NRCAM: variants seen among roughly 807,000 people sequenced by gnomAD.
NRCAM encodes NgCAM-related cell adhesion molecule.
In NRCAM, 83 loss-of-function variants were observed where a neutral mutation model predicts 156.5. The observed-to-expected ratio is 0.53, with a 90% confidence interval of 0.44 to 0.64. The LOEUF (loss-of-function observed/expected upper bound fraction) is 0.64, where lower values mean the gene tolerates loss of function less well. NRCAM is among the 30% of genes least tolerant of loss of function. The pLI is 0.00. For synonymous variants in NRCAM, 538 were observed against 563.9 expected (o/e 0.95, Z 0.65); for missense variants, 1,417 against 1,597.3 (o/e 0.89, Z 1.92).
At chr7:108,432,482 T>C (rs1482285616) in intron 1 of NRCAM, among the ~76,000 whole-genome samples, 1 of 152,190 alleles carries the variant, frequency 6.6e-6, no homozygotes, top group Non-Finnish European at 1.5e-5. Context: ...CTCAAAGTTA[T>C]AAAAAACCCA....
At chr7:108,257,937 C>T (rs2096746875) in intron 3 of NRCAM, among the ~76,000 whole-genome samples, 1 of 152,040 alleles carries the variant, frequency 6.6e-6, no homozygotes, top group Non-Finnish European at 1.5e-5. Context: ...TCTTTGTCTC[C>T]ACTTCACCGG....
chr7:108,304,186 G>A, intron 3 of NRCAM, among the ~76,000 whole-genome samples: 1 of 152,250 alleles, frequency 6.6e-6, no homozygotes. Context: ...TCAAGACATT[G>A]TGATTTTCCC....
chr7:108,324,333 G>A (rs1391168637), intron 2 of NRCAM, among the ~76,000 whole-genome samples: 1 of 152,186 alleles, frequency 6.6e-6, no homozygotes, highest in East Asian at 1.9e-4. Flanking sequence ...TTCTCTAACT[G>A]TGGTTTCTTA....
rs1048670588 is a variant in NRCAM at position 108,334,681 on chromosome 7, G to C, written c.-173-21950C>G. Among the ~76,000 whole-genome samples the C allele has an allele frequency of 3.9e-5, 6 of 152,288 alleles. No individual in the cohort carries two copies. The East Asian group carries it at 1.2e-3, about 29-fold the overall frequency. On this transcript the variant is annotated intron_variant, in intron 2 of 32. Transcript: ENST00000379028. ...TCACAGTCCCACCTGAGATGAGAAA[G>C]CCAACATGGGGGCATGGCCCACTGG...
intron 2 of NRCAM, among the ~76,000 whole-genome samples, chr7:108,376,244 C>T (rs2099675037): frequency 6.6e-6 from 1 of 152,176 alleles, no homozygotes; most frequent in Non-Finnish European, 1.5e-5. Context: ...AGCAGAGTGC[C>T]TAAGAGACTA....
intron 11 of NRCAM, among the ~76,000 whole-genome samples, chr7:108,222,251 C>T (rs1183438647): frequency 6.6e-6 from 1 of 152,020 alleles, no homozygotes; most frequent in Non-Finnish European, 1.5e-5. Flanking sequence ...TTTTGGAGGC[C>T]AGCTACTGTA....
chr7:108,226,505 C>CCTG, intron 8 of NRCAM, 127 bp from the exon 9 acceptor site: 3 of 534,290 alleles, frequency 5.6e-6, no homozygotes, highest in South Asian at 3.6e-5. Context: ...CTCTATATAG[C>CCTG]TCTTTGGGTA....
At chr7:108,177,670 TGTATATATATAC>T (rs1351986657) in intron 26 of NRCAM, among the ~76,000 whole-genome samples, 4 of 17,826 alleles carry the variant, frequency 2.2e-4, no homozygotes, top group African/African-American at 3.8e-4. Flanking sequence ...TGTATATACG[TGTATATATATAC>T]GTGTATATAT....
chr7:108,182,314 C>T (rs537127479), intron 23 of NRCAM, among the ~76,000 whole-genome samples: 14 of 151,576 alleles, frequency 9.2e-5, no homozygotes, highest in Non-Finnish European at 1.8e-4. Context: ...CCCTCTACAT[C>T]TGCAGGTTCT....
chr7:108,170,117 C>G (rs1439091409), intron 28 of NRCAM, among the ~76,000 whole-genome samples: 1 of 151,714 alleles, frequency 6.6e-6, no homozygotes, highest in Admixed American at 6.6e-5. Context: ...TCACAATAGT[C>G]AAGACATGAA....
At position 108,205,378 on chromosome 7, in the gene NRCAM, T is replaced by G. The variant is rs563900274; in HGVS notation, c.1207+2150A>C. 4.6e-5 allele frequency among the ~76,000 whole-genome samples: 7 copies of G among 152,332 alleles called. No homozygotes were observed. In the East Asian group the frequency reaches 1.4e-3, roughly 29 times the overall value. On this transcript the variant is annotated intron_variant, in intron 13 of 32. Coordinates refer to ENST00000379028, the MANE Select transcript of NRCAM (RefSeq NM_001037132.4). ...AGGCATTTTGTTATAGCAGCAGGAA[T>G]GGACTAAGATGGCTGGTTTGGAAGG... is the stretch of plus-strand genomic sequence containing the variant.
At chr7:108,364,006 A>G (rs1215137060) in intron 2 of NRCAM, among the ~76,000 whole-genome samples, 2 of 152,198 alleles carry the variant, frequency 1.3e-5, no homozygotes, top group East Asian at 1.9e-4. Context: ...GGAAATATGA[A>G]TAAGTATACA....
intron 2 of NRCAM, among the ~76,000 whole-genome samples, chr7:108,392,121 G>A (rs2099762262): frequency 6.6e-6 from 1 of 152,268 alleles, no homozygotes; most frequent in South Asian, 2.1e-4. Context: ...ATGTTGGCCT[G>A]CCTTGCTATG....
chr7:108,390,214 A>T (rs2099755236), intron 2 of NRCAM, among the ~76,000 whole-genome samples: 1 of 152,298 alleles, frequency 6.6e-6, no homozygotes, highest in Non-Finnish European at 1.5e-5. Context: ...GCTATTAATT[A>T]TTGCCTCAAT....
chr7:108,393,355 C>T (rs576340930), intron 2 of NRCAM, among the ~76,000 whole-genome samples: 1 of 152,242 alleles, frequency 6.6e-6, no homozygotes, highest in East Asian at 1.9e-4. Flanking sequence ...GGGCGTGGGA[C>T]CCTCCGAGCC....
At position 108,152,523 on chromosome 7, in the gene NRCAM, G is replaced by C. The variant is rs200530445; in HGVS notation, c.3678-2376C>G. 1.2e-4 allele frequency among the ~76,000 whole-genome samples: 9 copies of C among 73,614 alleles called. No individual in the cohort carries two copies. The East Asian group carries it at 3.8e-3, about 31-fold the overall frequency. The allele number at this position is 73,614 out of a possible 152,430, so 48.3% of individuals were successfully genotyped here. Reference sequence around the variant, plus strand: ...GGACGCTGCCTTTAACTCTGAGTGAGACAGGAAGCCCTGGGAGGGTTTCAA... The same window carrying C: ...GGACGCTGCCTTTAACTCTGAGTGACACAGGAAGCCCTGGGAGGGTTTCAA... On this transcript the variant is annotated intron_variant, in intron 32 of 32. Transcript: ENST00000379028.
At chr7:108,433,771 C>A (rs1828707571) in intron 1 of NRCAM, among the ~76,000 whole-genome samples, 1 of 152,200 alleles carries the variant, frequency 6.6e-6, no homozygotes, top group Admixed American at 6.5e-5. Flanking sequence ...ATGCCAGCAC[C>A]AAGCTTCTTG....
intron 22 of NRCAM, 60 bp from the exon 23 acceptor site, chr7:108,182,980 A>G (rs941884306): frequency 3.0e-6 from 4 of 1,351,462 alleles, no homozygotes; most frequent in Non-Finnish European, 4.2e-6. Context: ...AATCTTTTAC[A>G]GGAACAGCAA....
At chr7:108,150,879 C>G (rs2041115267) in intron 32 of NRCAM, 1 of 388,952 alleles carries the variant, frequency 2.6e-6, no homozygotes, top group Admixed American at 3.7e-5. Flanking sequence ...CTTAAAAGCT[C>G]TACATTTGTA....
Sources: gnomAD v4.1 joint callset for allele counts (sites outside exome capture counted in the v4.1 genomes callset) on GRCh38, gnomAD v4.1.1 for gene constraint, MANE v1.5 for transcripts, NCBI Gene and HGNC (gene_info 2026-07-23, HGNC 2026-07-21) for gene names.